FRMD3: variants seen among roughly 807,000 people sequenced by gnomAD.
FRMD3 encodes FERM domain-containing protein 3.
FRMD3 carries 33 observed loss-of-function variants against 70.2 expected under a neutral mutation model. The observed-to-expected ratio is 0.47, with a 90% CI of 0.36 to 0.63. The LOEUF (loss-of-function observed/expected upper bound fraction) is 0.63. FRMD3 is among the 20% of genes least tolerant of loss of function. The probability of loss-of-function intolerance (pLI) is 0.00; values close to 1 mark genes in which losing one functional copy is unlikely to be tolerated. For synonymous variants in FRMD3, 279 were observed against 255.9 expected, an observed-to-expected ratio of 1.09 and a Z score of -0.86; for missense variants, 632 against 711.4, an observed-to-expected ratio of 0.89 and a Z score of 1.27.
chr9:83,419,288 A>T (rs186933490), intron 1 of FRMD3, among the ~76,000 whole-genome samples: 147 of 152,350 alleles, frequency 9.6e-4, no homozygotes, highest in African/African-American at 2.8e-3. Flanking sequence ...CTATTAAAAA[A>T]TTTTTTAAAG....
intron 1 of FRMD3, among the ~76,000 whole-genome samples, chr9:83,486,578 T>C (rs993391991): frequency 1.3e-5 from 2 of 152,118 alleles, no homozygotes; most frequent in African/African-American, 4.8e-5. Context: ...GAAGAAAACT[T>C]AGGAAATACA....
intron 3 of FRMD3, among the ~76,000 whole-genome samples, chr9:83,362,332 A>C (rs979454327): frequency 6.6e-6 from 1 of 152,200 alleles, no homozygotes; most frequent in Non-Finnish European, 1.5e-5. Flanking sequence ...AAGTACCAAG[A>C]CTATCACCAT....
At chr9:83,461,747 G>A (rs10868017) in intron 1 of FRMD3, among the ~76,000 whole-genome samples, 8,636 of 126,196 alleles carry the variant, frequency 0.068, 329 homozygotes, top group East Asian at 0.21. Flanking sequence ...GGAGCGCAGT[G>A]GCACGATCTC....
chr9:83,330,948 A>C (rs1400832762), intron 6 of FRMD3, among the ~76,000 whole-genome samples: 1 of 152,198 alleles, frequency 6.6e-6, no homozygotes, highest in Admixed American at 6.5e-5. Context: ...AACACTAACA[A>C]CACCAAATGT....
chr9:83,321,630 C>T (rs1835805216), intron 6 of FRMD3, among the ~76,000 whole-genome samples: 3 of 152,094 alleles, frequency 2.0e-5, no homozygotes, highest in South Asian at 2.1e-4. Flanking sequence ...TTTCCATGTA[C>T]TGATGAAAAG....
intron 3 of FRMD3, among the ~76,000 whole-genome samples, chr9:83,351,326 A>G (rs933809114): frequency 1.4e-5 from 2 of 145,726 alleles, no homozygotes; most frequent in African/African-American, 5.4e-5. Context: ...CTGATCATAC[A>G]CACACACACA....
the FRMD3 span, among the ~76,000 whole-genome samples, chr9:83,550,686 T>TTGTGTG: frequency 6.3e-5 from 5 of 79,322 alleles, no homozygotes; most frequent in African/African-American, 1.9e-4. Context: ...TAGTCCTAGG[T>TTGTGTG]AGTGTGTGTG....
At chr9:83,316,148 CTTTT>C (rs369641019) in intron 6 of FRMD3, among the ~76,000 whole-genome samples, 1 of 134,502 alleles carries the variant, frequency 7.4e-6, no homozygotes, top group Non-Finnish European at 1.6e-5. Context: ...TCTTTTTTCT[CTTTT>C]TTTTTTTTCT....
At chr9:83,524,083 A>C (rs1829636567) in intron 1 of FRMD3, among the ~76,000 whole-genome samples, 1 of 152,264 alleles carries the variant, frequency 6.6e-6, no homozygotes, top group Non-Finnish European at 1.5e-5. Context: ...CTAAGCAAAA[A>C]TAATAGTAAT....
chr9:83,304,222 C>G (rs62563596), intron 10 of FRMD3, among the ~76,000 whole-genome samples: 11,995 of 152,222 alleles, frequency 0.079, 558 homozygotes, highest in Non-Finnish European at 0.11. Flanking sequence ...TTAATGAAGA[C>G]CCAGATTCCA....
intron 1 of FRMD3, among the ~76,000 whole-genome samples, chr9:83,465,559 T>C (rs1828104017): frequency 6.6e-6 from 1 of 152,328 alleles, no homozygotes; most frequent in East Asian, 1.9e-4. Flanking sequence ...TTTTCCTTTG[T>C]TTTTCATTTT....
intron 6 of FRMD3, among the ~76,000 whole-genome samples, chr9:83,328,600 A>C (rs570241202): frequency 6.6e-6 from 1 of 152,322 alleles, no homozygotes; most frequent in East Asian, 1.9e-4. Flanking sequence ...AGGCAAATTA[A>C]TTGTTGCTTC....
upstream of FRMD3, among the ~76,000 whole-genome samples, chr9:83,541,419 G>C (rs1043351545): frequency 1.3e-5 from 2 of 152,216 alleles, no homozygotes; most frequent in Admixed American, 6.5e-5. Context: ...TACATGTACA[G>C]GAAAAGATCC....
chr9:83,434,819 C>CTTTTTTTTTT (rs757810185), intron 1 of FRMD3, among the ~76,000 whole-genome samples: 2 of 74,878 alleles, frequency 2.7e-5, no homozygotes, highest in Non-Finnish European at 4.6e-5. Flanking sequence ...CACCCCTCTG[C>CTTTTTTTTTT]TTTTTTTTTT....
At chr9:83,439,353 G>A (rs928086638) in intron 1 of FRMD3, among the ~76,000 whole-genome samples, 12 of 152,334 alleles carry the variant, frequency 7.9e-5, no homozygotes, top group African/African-American at 2.9e-4. Flanking sequence ...TGAGTCTGGA[G>A]CCTTTTCTCT....
At chr9:83,270,995 G>A (rs1833529516) in intron 13 of FRMD3, among the ~76,000 whole-genome samples, 1 of 152,144 alleles carries the variant, frequency 6.6e-6, no homozygotes, top group Admixed American at 6.5e-5. Flanking sequence ...CTGGTTGTGA[G>A]GAGTTAACCC....
chr9:83,578,583 A>C, the FRMD3 span, among the ~76,000 whole-genome samples: 1 of 151,988 alleles, frequency 6.6e-6, no homozygotes, highest in African/African-American at 2.4e-5. Context: ...TCATCTGATC[A>C]TCTCAATAAA....
At chr9:83,440,105 G>C (rs902416071) in intron 1 of FRMD3, among the ~76,000 whole-genome samples, 1 of 152,110 alleles carries the variant, frequency 6.6e-6, no homozygotes, top group African/African-American at 2.4e-5. Flanking sequence ...CTGCCCAAGA[G>C]GATTCTCTGG....
intron 1 of FRMD3, among the ~76,000 whole-genome samples, chr9:83,510,008 ATT>A (rs1021965794): frequency 7.2e-5 from 11 of 152,086 alleles, no homozygotes; most frequent in African/African-American, 2.4e-4. Flanking sequence ...TTAAATCTTC[ATT>A]TTTCATACAG....
Sources: gnomAD v4.1 joint callset for allele counts (sites outside exome capture counted in the v4.1 genomes callset) on GRCh38, gnomAD v4.1.1 for gene constraint, MANE v1.5 for transcripts, NCBI Gene and HGNC (gene_info 2026-07-23, HGNC 2026-07-21) for gene names.